The following RGS10 variants were observed in gnomAD, a reference collection of about 807,000 sequenced individuals.
The protein encoded by RGS10 is regulator of G protein signaling 10.
In RGS10, 11 loss-of-function variants were observed where a neutral mutation model predicts 23.5. The ratio of observed to expected loss-of-function variants is 0.47; its 90% CI spans 0.29 to 0.77. The LOEUF is 0.77. RGS10 is among the 30% of genes least tolerant of loss of function. The pLI, the probability that RGS10 is intolerant of heterozygous loss-of-function variation, is 0.08. For synonymous variants in RGS10, 77 were observed against 83.2 expected (o/e 0.92, Z 0.41); for missense variants, 180 against 226.3 (o/e 0.80, Z 1.31).
intron 1 of RGS10, among the ~76,000 whole-genome samples, chr10:119,541,840 C>G (rs1844437851): frequency 6.6e-6 from 1 of 152,230 alleles, no homozygotes; most frequent in Non-Finnish European, 1.5e-5. Context: ...ACGCGGTGGA[C>G]AAAGCCCTTG....
chr10:119,532,505 A>C (rs1025497434), intron 1 of RGS10, among the ~76,000 whole-genome samples: 1 of 152,156 alleles, frequency 6.6e-6, no homozygotes, highest in Non-Finnish European at 1.5e-5. Context: ...GCTTGAGCTC[A>C]GGAGTTCAAG....
At chr10:119,526,226 A>T in intron 2 of RGS10, 108 bp from the exon 3 acceptor site, 1 of 561,554 alleles carries the variant, frequency 1.8e-6, no homozygotes, top group Non-Finnish European at 3.1e-6. Context: ...ACAGAGGAGC[A>T]TGGTTCAGTT....
intron 4 of RGS10, among the ~76,000 whole-genome samples, chr10:119,502,145 A>AAC (rs1564707105): frequency 6.6e-6 from 1 of 150,928 alleles, no homozygotes. Flanking sequence ...AAAAAAAAAC[A>AAC]AACTTTTTTT....
chr10:119,515,362 A>G (rs1405750362), intron 4 of RGS10, 147 bp downstream of exon 4: 4 of 917,628 alleles, frequency 4.4e-6, no homozygotes, highest in Non-Finnish European at 6.6e-6. Context: ...CACTCTCCCC[A>G]ACCATGGCCC....
At chr10:119,509,357 G>A (rs569397698) in intron 4 of RGS10, among the ~76,000 whole-genome samples, 3 of 152,216 alleles carry the variant, frequency 2.0e-5, no homozygotes, top group Non-Finnish European at 2.9e-5. Flanking sequence ...GGGAGGTCAA[G>A]ATGGGAGGAT....
intron 3 of RGS10, among the ~76,000 whole-genome samples, chr10:119,520,473 C>A (rs371657906): frequency 6.6e-6 from 1 of 152,274 alleles, no homozygotes; most frequent in Admixed American, 6.5e-5. Flanking sequence ...CTGCTCCAAA[C>A]TTGAGCAGTC....
chr10:119,528,239 C>T (rs1400768656), intron 1 of RGS10, among the ~76,000 whole-genome samples: 4 of 152,076 alleles, frequency 2.6e-5, no homozygotes, highest in Non-Finnish European at 4.4e-5. Flanking sequence ...CCATGTTGGC[C>T]AGGCTGGTCT....
chr10:119,525,015 C>T (rs575756277), intron 3 of RGS10, among the ~76,000 whole-genome samples: 5 of 151,334 alleles, frequency 3.3e-5, no homozygotes, highest in African/African-American at 1.2e-4. Context: ...AAACTGGCAA[C>T]GCGCAAGCCG....
At chr10:119,508,380 T>G (rs1844039645) in intron 4 of RGS10, among the ~76,000 whole-genome samples, 1 of 152,176 alleles carries the variant, frequency 6.6e-6, no homozygotes, top group South Asian at 2.1e-4. Context: ...CCCAAACCCA[T>G]GCCCTTCTCT....
chr10:119,503,115 T>C (rs1169156916), intron 4 of RGS10, among the ~76,000 whole-genome samples: 1 of 152,088 alleles, frequency 6.6e-6, no homozygotes, highest in Non-Finnish European at 1.5e-5. Flanking sequence ...CGGTGGCTCA[T>C]GCCTGAAACT....
intron 1 of RGS10, among the ~76,000 whole-genome samples, chr10:119,529,816 G>A (rs572365966): frequency 2.6e-4 from 40 of 152,288 alleles, no homozygotes; most frequent in African/African-American, 8.9e-4. Flanking sequence ...CAGCAAGGCC[G>A]GGCGAGGTGG....
chr10:119,520,563 G>C (rs1251198011), intron 3 of RGS10, among the ~76,000 whole-genome samples: 1 of 152,160 alleles, frequency 6.6e-6, no homozygotes, highest in Non-Finnish European at 1.5e-5. Context: ...CTCCGGAACA[G>C]AGAGGCACAG....
At chr10:119,536,081 T>C (rs1347939848) in intron 1 of RGS10, among the ~76,000 whole-genome samples, 1 of 152,240 alleles carries the variant, frequency 6.6e-6, no homozygotes, top group Non-Finnish European at 1.5e-5. Flanking sequence ...CTTAAGTGTT[T>C]ATCGGCTCCA....
chr10:119,531,513 A>C (rs1420434217), intron 1 of RGS10, among the ~76,000 whole-genome samples: 2 of 151,940 alleles, frequency 1.3e-5, no homozygotes, highest in Admixed American at 6.6e-5. Context: ...ACAATTGCCA[A>C]CCCCCACCCT....
intron 4 of RGS10, among the ~76,000 whole-genome samples, chr10:119,506,335 G>A (rs868148068): frequency 1.1e-4 from 17 of 152,300 alleles, no homozygotes; most frequent in Non-Finnish European, 1.0e-4. Flanking sequence ...GCGCCAGGAC[G>A]GGCCACACAG....
intron 3 of RGS10, among the ~76,000 whole-genome samples, chr10:119,522,649 C>A (rs1436935451): frequency 4.1e-5 from 6 of 146,748 alleles, no homozygotes; most frequent in Non-Finnish European, 8.9e-5. Context: ...ACCCGGGAGG[C>A]GGAGATTGCA....
chr10:119,515,482 A>G (rs1218423137), intron 4 of RGS10, 27 bp downstream of exon 4: 3 of 1,613,300 alleles, frequency 1.9e-6, no homozygotes, highest in Non-Finnish European at 1.7e-6. Context: ...TTTTCAAATC[A>G]AGGTGCAGGC....
intron 1 of RGS10, among the ~76,000 whole-genome samples, chr10:119,537,520 G>A (rs574993145): frequency 9.8e-5 from 15 of 152,294 alleles, no homozygotes; most frequent in Non-Finnish European, 1.6e-4. Context: ...GCACAGAGAC[G>A]ATAAATAATT....
chr10:119,536,880 C>T (rs1589843711), intron 1 of RGS10, among the ~76,000 whole-genome samples: 1 of 152,154 alleles, frequency 6.6e-6, no homozygotes, highest in East Asian at 1.9e-4. Context: ...TCAATCTGTC[C>T]CGCACCCTCC....
Sources: allele counts gnomAD v4.1 joint callset (sites outside exome capture counted in the v4.1 genomes callset), GRCh38; gene constraint gnomAD v4.1.1; transcripts MANE v1.5; gene names NCBI Gene and HGNC (gene_info 2026-07-23, HGNC 2026-07-21).